GALNTL6: variants seen among roughly 807,000 people sequenced by gnomAD.
GALNTL6 encodes the protein polypeptide N-acetylgalactosaminyltransferase-like 6.
GALNTL6 carries 46 observed loss-of-function variants against 73.7 expected under a neutral mutation model. That is an observed-to-expected ratio of 0.62 (90% CI 0.49 to 0.80). The LOEUF (loss-of-function observed/expected upper bound fraction) is 0.80. Ranked by LOEUF, GALNTL6 falls within the 30% of genes least tolerant of loss-of-function variation. The pLI is 0.00. For synonymous variants in GALNTL6, 259 were observed against 263.7 expected, an observed-to-expected ratio of 0.98 and a Z score of 0.17; for missense variants, 604 against 755.0, an observed-to-expected ratio of 0.80 and a Z score of 2.34.
intron 2 of GALNTL6, among the ~76,000 whole-genome samples, chr4:171,880,086 T>C (rs1173404025): frequency 1.3e-5 from 2 of 152,192 alleles, no homozygotes; most frequent in Admixed American, 6.5e-5. Context: ...GTGGATGCCA[T>C]ACATCTAAGG....
chr4:172,457,508 A>T (rs1732442777), intron 5 of GALNTL6, among the ~76,000 whole-genome samples: 1 of 152,174 alleles, frequency 6.6e-6, no homozygotes, highest in Admixed American at 6.5e-5. Context: ...AAATAAAGGG[A>T]TGGAGGAATA....
chr4:172,856,221 T>A (rs1744115225), intron 7 of GALNTL6, among the ~76,000 whole-genome samples: 1 of 152,194 alleles, frequency 6.6e-6, no homozygotes, highest in Non-Finnish European at 1.5e-5. Context: ...CCTGACATTA[T>A]CTTTATGCAA....
At chr4:172,650,500 T>C (rs1740427239) in intron 5 of GALNTL6, among the ~76,000 whole-genome samples, 1 of 152,164 alleles carries the variant, frequency 6.6e-6, no homozygotes, top group African/African-American at 2.4e-5. Context: ...ATTAGTGAGA[T>C]CAAAGGCCAT....
intron 2 of GALNTL6, among the ~76,000 whole-genome samples, chr4:172,198,861 A>G (rs1735863896): frequency 6.6e-6 from 1 of 152,166 alleles, no homozygotes; most frequent in Non-Finnish European, 1.5e-5. Flanking sequence ...GTACTACTAT[A>G]ATTCCCAAAA....
chr4:171,972,236 A>G (rs1428395129), intron 2 of GALNTL6, among the ~76,000 whole-genome samples: 1 of 152,224 alleles, frequency 6.6e-6, no homozygotes, highest in Non-Finnish European at 1.5e-5. Flanking sequence ...CATATAGCAC[A>G]TTAGTATTTA....
intron 4 of GALNTL6, among the ~76,000 whole-genome samples, chr4:172,332,102 T>G (rs1741148011): frequency 6.6e-6 from 1 of 152,184 alleles, no homozygotes; most frequent in South Asian, 2.1e-4. Context: ...GGTTTTCATT[T>G]GGATTTTACT....
intron 10 of GALNTL6, among the ~76,000 whole-genome samples, chr4:173,002,659 G>A (rs1411811069): frequency 6.6e-6 from 1 of 151,602 alleles, no homozygotes; most frequent in Non-Finnish European, 1.5e-5. Flanking sequence ...GCCAGGCGTG[G>A]TGGTGCACAC....
At chr4:172,296,564 C>T (rs1233348493) in intron 3 of GALNTL6, among the ~76,000 whole-genome samples, 1 of 152,064 alleles carries the variant, frequency 6.6e-6, no homozygotes, top group Non-Finnish European at 1.5e-5. Context: ...TTCCTGTGTC[C>T]ATGTGTTCTC....
At chr4:172,378,974 TTTTAG>T (rs1378424854) in intron 5 of GALNTL6, among the ~76,000 whole-genome samples, 2 of 152,232 alleles carry the variant, frequency 1.3e-5, no homozygotes, top group Non-Finnish European at 2.9e-5. Flanking sequence ...GAATTTAGTC[TTTTAG>T]TTTATTTTCA....
intron 5 of GALNTL6, among the ~76,000 whole-genome samples, chr4:172,529,534 A>G (rs1457578245): frequency 1.3e-5 from 2 of 152,152 alleles, no homozygotes; most frequent in East Asian, 1.9e-4. Context: ...CCTGCAGAAT[A>G]TATCCTCCAG....
chr4:171,855,800 A>G (rs983771083), intron 2 of GALNTL6, among the ~76,000 whole-genome samples: 12 of 152,304 alleles, frequency 7.9e-5, no homozygotes, highest in African/African-American at 2.6e-4. Flanking sequence ...GTTTTAGCCA[A>G]TTTAATAGGT....
intron 5 of GALNTL6, among the ~76,000 whole-genome samples, chr4:172,351,872 T>G (rs1021922637): frequency 3.3e-5 from 5 of 152,130 alleles, no homozygotes; most frequent in African/African-American, 1.2e-4. Flanking sequence ...CACTATTAAC[T>G]TTTTCAGATA....
intron 2 of GALNTL6, among the ~76,000 whole-genome samples, chr4:171,906,599 A>G (rs1248250123): frequency 1.3e-5 from 2 of 152,216 alleles, no homozygotes; most frequent in African/African-American, 2.4e-5. Flanking sequence ...TTCTGAAACT[A>G]TTCCAATCAA....
At chr4:172,788,975 T>C (rs1384994435) in intron 5 of GALNTL6, among the ~76,000 whole-genome samples, 1 of 152,222 alleles carries the variant, frequency 6.6e-6, no homozygotes, top group African/African-American at 2.4e-5. Flanking sequence ...AAACCATGTT[T>C]TTCCTCTGCC....
intron 5 of GALNTL6, among the ~76,000 whole-genome samples, chr4:172,674,987 T>G (rs1281460753): frequency 6.6e-6 from 1 of 152,224 alleles, no homozygotes; most frequent in African/African-American, 2.4e-5. Context: ...TTCAGCCATC[T>G]CAGCCAATTC....
intron 10 of GALNTL6, among the ~76,000 whole-genome samples, chr4:172,962,220 A>C (rs576023667): frequency 6.6e-6 from 1 of 152,288 alleles, no homozygotes; most frequent in African/African-American, 2.4e-5. Context: ...TTGTGGTGGA[A>C]TGTCATCAGT....
chr4:172,034,123 G>T (rs1741852693), intron 2 of GALNTL6, among the ~76,000 whole-genome samples: 2 of 151,998 alleles, frequency 1.3e-5, no homozygotes, highest in African/African-American at 2.4e-5. Context: ...TAGGATATTT[G>T]CTCCAAACCA....
intron 2 of GALNTL6, among the ~76,000 whole-genome samples, chr4:171,961,835 C>G (rs1036319157): frequency 6.6e-6 from 1 of 152,194 alleles, no homozygotes; most frequent in Non-Finnish European, 1.5e-5. Flanking sequence ...GCAACCCTAT[C>G]AGCTTGGTTC....
intron 4 of GALNTL6, among the ~76,000 whole-genome samples, chr4:172,339,278 C>T (rs1344523982): frequency 7.2e-6 from 1 of 139,584 alleles, no homozygotes; most frequent in Non-Finnish European, 1.6e-5. Context: ...CACACACACA[C>T]ACACACACAC....
Sources: gnomAD v4.1 joint callset for allele counts (sites outside exome capture counted in the v4.1 genomes callset) on GRCh38, gnomAD v4.1.1 for gene constraint, MANE v1.5 for transcripts, NCBI Gene and HGNC (gene_info 2026-07-23, HGNC 2026-07-21) for gene names.